The following ANKEF1 variants were observed in gnomAD, a reference collection of about 807,000 sequenced individuals.
ANKEF1 encodes the protein ankyrin repeat and EF-hand domain-containing protein 1.
Under a neutral mutation model 65.1 loss-of-function variants are expected in ANKEF1, and 43 were observed. The ratio of observed to expected loss-of-function variants is 0.66; its 90% CI spans 0.52 to 0.85. The LOEUF (loss-of-function observed/expected upper bound fraction) is 0.85. Ranked by LOEUF, ANKEF1 falls within the 40% of genes least tolerant of loss-of-function variation. The probability of loss-of-function intolerance (pLI) is 0.00; values close to 1 mark genes in which losing one functional copy is unlikely to be tolerated. For synonymous variants in ANKEF1, 316 were observed against 341.5 expected, an observed-to-expected ratio of 0.93 and a Z score of 0.82; for missense variants, 934 against 952.9, an observed-to-expected ratio of 0.98 and a Z score of 0.26.
chr20:10,043,422 CTG>C (rs1277696613), intron 4 of ANKEF1, 101 bp downstream of exon 4: 1 of 1,112,202 alleles, frequency 9.0e-7, no homozygotes, highest in Non-Finnish European at 1.3e-6. Context: ...AGCTGATAGA[CTG>C]TTCATTTTGA....
chr20:10,049,315 C>G, intron 6 of ANKEF1, 75 bp from the exon 7 acceptor site: 1 of 1,339,786 alleles, frequency 7.5e-7, no homozygotes, highest in Non-Finnish European at 1.0e-6. Context: ...ATTAAGAAAA[C>G]AGTTGGATGA....
Position 10,043,137 on chromosome 20 carries a change from G to A in ANKEF1, c.362G>A (p.Cys121Tyr). ...DNEGKGVLFY[C>Y]ILPTKRHYRC... ...TTCTCTGCAGGTGTTTTGTTTTACTGCATTTTACCGACTAAGCGGCATTAT... is the reference window on the plus strand; with the variant it reads ...TTCTCTGCAGGTGTTTTGTTTTACTACATTTTACCGACTAAGCGGCATTAT... The change falls in exon 4 of 11, where the codon TGC becomes TAC. Residue 121 changes from cysteine (C) to tyrosine (Y), a missense_variant. Transcript: ENST00000378392. 1.2e-6 allele frequency: 2 copies of A among 1,613,958 alleles called. No individual in the cohort carries two copies. Among genetic ancestry groups the A allele is most frequent in the African/African-American group, 2.7e-5 (2 of 75,010 alleles).
chr20:10,054,504 G>A lies in ANKEF1; in HGVS notation c.2077G>A (p.Gly693Arg). The A allele has an allele frequency of 6.2e-7, 1 of 1,605,724 alleles. No homozygotes were observed. Among genetic ancestry groups the A allele is most frequent in the Non-Finnish European group, 8.5e-7 (1 of 1,176,636 alleles). The change falls in exon 10 of 11, where the codon GGA becomes AGA. Residue 693 changes from glycine to arginine, a missense_variant. Coordinates refer to ENST00000378392, the MANE Select transcript of ANKEF1 (RefSeq NM_022096.6). ...TTATGGTGTACCAACCACATCAGAG[G>A]GAAAGAAAGTACAGAAGGGTAATGT... ...SIYGVPTTSE[G>R]KKVQKGNVVH...
chr20:10,053,349 T>A, intron 9 of ANKEF1, 74 bp downstream of exon 9: 1 of 1,336,832 alleles, frequency 7.5e-7, no homozygotes, highest in Non-Finnish European at 1.0e-6. Context: ...GCAGAAGCAC[T>A]ATTTACATAT....
intron 9 of ANKEF1, 50 bp downstream of exon 9, chr20:10,053,325 CTGTT>C (rs760311559): frequency 3.5e-5 from 54 of 1,527,988 alleles, no homozygotes; most frequent in South Asian, 2.2e-4. Context: ...CTTTAAAAAT[CTGTT>C]TGGGGGAAGG....
Position 10,056,496 on chromosome 20 carries a change from TGATAGATAGATAGATA to T in ANKEF1, c.*863_*878del, listed in dbSNP as rs59202797. 2.1e-5 allele frequency: 3 copies of T among 143,714 alleles called. No individual in the cohort carries two copies. The highest frequency in any genetic ancestry group is 2.4e-4 in the South Asian group (1 of 4,242). The allele number at this position is 143,714 out of a possible 1,614,324, so 8.9% of individuals were successfully genotyped here. A position where few individuals can be genotyped will look rare whatever the true frequency, so the allele number is the denominator to read the frequency against. On this transcript the variant is annotated 3_prime_UTR_variant, in exon 11 of 11. Coordinates refer to ENST00000378392, the MANE Select transcript of ANKEF1 (RefSeq NM_022096.6). ...GATAGATGATAGATAGATAGATAGA[TGATAGATAGATAGATA>T]GATAGATAGATAGATAGATAGATAG...
intron 8 of ANKEF1, among the ~76,000 whole-genome samples, 170 bp from the exon 9 acceptor site, chr20:10,052,942 G>A (rs544961711): frequency 1.2e-4 from 19 of 152,112 alleles, no homozygotes; most frequent in East Asian, 9.6e-4. Flanking sequence ...AGCTGGGACC[G>A]CCATAGAGAA....
intron 7 of ANKEF1, among the ~76,000 whole-genome samples, 190 bp downstream of exon 7, chr20:10,050,402 TGCTTTATTAAAAATGCTGATTTATTACAG>T (rs1284387449): frequency 6.6e-6 from 1 of 152,192 alleles, no homozygotes; most frequent in African/African-American, 2.4e-5. Flanking sequence ...TATTAAAGAA[TGCTTTATTAAAAATGCTGATTTATTACAG>T]GCTTTATTAA....
chr20:10,039,573 T>C (rs1291173806), intron 3 of ANKEF1, among the ~76,000 whole-genome samples: 1 of 152,232 alleles, frequency 6.6e-6, no homozygotes, highest in Non-Finnish European at 1.5e-5. Context: ...CATATTTAAT[T>C]GTACCACGTA....
rs529092933 is a variant in ANKEF1, at chr20:10,045,823, T to C, written c.820+126T>C. On this transcript the variant is annotated intron_variant, in intron 6 of 10. Coordinates refer to ENST00000378392, the MANE Select transcript of ANKEF1 (RefSeq NM_022096.6). Reference sequence around the variant, plus strand: ...TTTCTATAGCAAAACCTCACTCATATGTAGAAAGAAAATTGAAAATTATTT... The same window carrying C: ...TTTCTATAGCAAAACCTCACTCATACGTAGAAAGAAAATTGAAAATTATTT... 9 of 874,610 alleles carry C rather than the reference T, an allele frequency of 1.0e-5. No individual in the cohort carries two copies. In the African/African-American group the frequency reaches 1.5e-4, roughly 15 times the overall value. The allele number at this position is 874,610 out of a possible 1,614,324, so 54.2% of individuals were successfully genotyped here.
At chr20:10,054,145 T>C (rs1403045598) in intron 9 of ANKEF1, among the ~76,000 whole-genome samples, 1 of 152,118 alleles carries the variant, frequency 6.6e-6, no homozygotes, top group African/African-American at 2.4e-5. Flanking sequence ...TGGAGGATGT[T>C]AGAATGGCAA....
At chr20:10,052,850 C>A (rs1412896796) in intron 8 of ANKEF1, among the ~76,000 whole-genome samples, 1 of 151,904 alleles carries the variant, frequency 6.6e-6, no homozygotes, top group Non-Finnish European at 1.5e-5. Context: ...TCCTATCACT[C>A]TTTTAAGAAA....
chr20:10,040,454 C>T (rs1984116490), intron 3 of ANKEF1, among the ~76,000 whole-genome samples: 1 of 152,218 alleles, frequency 6.6e-6, no homozygotes, highest in African/African-American at 2.4e-5. Flanking sequence ...GGCACTTTCT[C>T]TTGGAACAGT....
chr20:10,048,515 A>C (rs1449811226), intron 6 of ANKEF1, among the ~76,000 whole-genome samples: 2 of 151,906 alleles, frequency 1.3e-5, no homozygotes, highest in Middle Eastern at 3.2e-3. Context: ...CATTCTTTCT[A>C]TTTTTTTACC....
At chr20:10,040,711 T>C (rs1290680706) in intron 3 of ANKEF1, 3 of 152,266 alleles carry the variant, frequency 2.0e-5, no homozygotes, top group African/African-American at 7.2e-5. Flanking sequence ...AATTTAGGAA[T>C]GCTGATTCGT....
In ANKEF1 at chr20:10,038,289, G is replaced by A; in HGVS notation, c.-13G>A. On this transcript the variant is annotated 5_prime_UTR_variant, in exon 3 of 11. Transcript: ENST00000378392. ...TTTTGGTCCAGAAAGCATTTTCAAGGAGCTGGTCAAGCATGGCTTTAGCAG... is the reference window on the plus strand; with the variant it reads ...TTTTGGTCCAGAAAGCATTTTCAAGAAGCTGGTCAAGCATGGCTTTAGCAG... 7.0e-7 allele frequency: 1 copy of A among 1,435,358 alleles called. No individual in the cohort carries two copies. Among genetic ancestry groups the A allele is most frequent in the East Asian group, 2.4e-5 (1 of 41,836 alleles). 88.9% of individuals were successfully genotyped at this position (1,435,358 alleles called of 1,614,324 possible).
At chr20:10,036,992 G>C (rs908578628) in intron 2 of ANKEF1, among the ~76,000 whole-genome samples, 3 of 152,148 alleles carry the variant, frequency 2.0e-5, no homozygotes, top group African/African-American at 7.2e-5. Context: ...ATTGGTGTTG[G>C]ATGGAAGCAG....
At chr20:10,047,039 T>C (rs561756510) in intron 6 of ANKEF1, among the ~76,000 whole-genome samples, 1 of 152,274 alleles carries the variant, frequency 6.6e-6, no homozygotes, top group African/African-American at 2.4e-5. Context: ...ATTTCAGATT[T>C]AACATTATGT....
rs471085 is a variant in ANKEF1, at chr20:10,057,992, A to G, written c.*2332A>G. 3 of 152,036 alleles carry G rather than the reference A, an allele frequency of 2.0e-5. No homozygotes were observed. Among genetic ancestry groups the G allele is most frequent in the African/African-American group, 4.8e-5 (2 of 41,374 alleles). 9.4% of individuals were successfully genotyped at this position (152,036 alleles called of 1,614,324 possible). ...ACTTTGGTTTGTCTTAAATGTCTTC[A>G]AGAATAGATTCAGGTGATGCTTTTG... On this transcript the variant is annotated 3_prime_UTR_variant, in exon 11 of 11. Coordinates refer to ENST00000378392, the MANE Select transcript of ANKEF1 (RefSeq NM_022096.6).
Sources: gnomAD v4.1 joint callset for allele counts (sites outside exome capture counted in the v4.1 genomes callset) on GRCh38, gnomAD v4.1.1 for gene constraint, MANE v1.5 for transcripts, NCBI Gene and HGNC (gene_info 2026-07-23, HGNC 2026-07-21) for gene names.